Variants in ADAMTS17 observed in about 807,000 individuals in gnomAD.
ADAMTS17 encodes the protein A disintegrin and metalloproteinase with thrombospondin motifs 17.
ADAMTS17 carries 113 observed loss-of-function variants against 141.5 expected under a neutral mutation model. That is an observed-to-expected ratio of 0.80 (90% CI 0.69 to 0.93). ADAMTS17 has a LOEUF of 0.93. Among genes scored for constraint, ADAMTS17 ranks in the 40% least tolerant of loss-of-function variants. ADAMTS17 has a pLI of 0.00. For missense variants in ADAMTS17, 1,659 were observed against 1,517.9 expected (o/e 1.09, Z -1.54); for synonymous variants, 768 against 630.6 (o/e 1.22, Z -3.27).
intron 12 of ADAMTS17, among the ~76,000 whole-genome samples, chr15:100,123,616 G>A (rs1003814996): frequency 1.3e-4 from 20 of 152,246 alleles, no homozygotes; most frequent in Admixed American, 9.2e-4. Context: ...CAGCCGACAC[G>A]CCCAGAGGGC....
chr15:100,126,185 C>T (rs1289100510), intron 12 of ADAMTS17: 1 of 152,258 alleles, frequency 6.6e-6, no homozygotes, highest in Non-Finnish European at 1.5e-5. Context: ...ACGCCACATC[C>T]TGCGTCTCTT....
At chr15:100,161,414 G>C (rs1430587834) in intron 8 of ADAMTS17, among the ~76,000 whole-genome samples, 3 of 151,732 alleles carry the variant, frequency 2.0e-5, no homozygotes, top group Admixed American at 6.6e-5. Context: ...TGAGTCTGTG[G>C]AATGAATCCC....
chr15:99,986,166 GT>G (rs1250931924), intron 20 of ADAMTS17, among the ~76,000 whole-genome samples: 1 of 152,230 alleles, frequency 6.6e-6, no homozygotes, highest in Admixed American at 6.5e-5. Context: ...GGGCAGGGGG[GT>G]TCAGGCCCCA....
chr15:100,105,666 G>C (rs1247008918), intron 14 of ADAMTS17, among the ~76,000 whole-genome samples: 1 of 152,162 alleles, frequency 6.6e-6, no homozygotes, highest in Non-Finnish European at 1.5e-5. Context: ...TGTAAGAAGA[G>C]GCTAGAGAGC....
At chr15:100,122,490 C>G (rs554901616) in intron 12 of ADAMTS17, among the ~76,000 whole-genome samples, 1 of 152,094 alleles carries the variant, frequency 6.6e-6, no homozygotes, top group Non-Finnish European at 1.5e-5. Flanking sequence ...AACATCAATG[C>G]GGGCCTCCTG....
intron 18 of ADAMTS17, among the ~76,000 whole-genome samples, chr15:100,046,902 A>T (rs548751775): frequency 1.3e-5 from 2 of 152,194 alleles, no homozygotes; most frequent in African/African-American, 2.4e-5. Flanking sequence ...TAACAGCAAC[A>T]TTCAGGGAAC....
At chr15:100,303,156 T>C (rs1264768728) in intron 3 of ADAMTS17, among the ~76,000 whole-genome samples, 3 of 145,044 alleles carry the variant, frequency 2.1e-5, no homozygotes, top group Admixed American at 1.4e-4. Context: ...ATAAACTATA[T>C]ATAAAAATAT....
At position 100,182,028 on chromosome 15, in the gene ADAMTS17, G is replaced by A. The variant is rs73475416; in HGVS notation, c.1181+17290C>T. 8.3e-3 allele frequency among the ~76,000 whole-genome samples: 1,271 copies of A among 152,336 alleles called. 22 individuals are homozygous for A. The highest frequency in any genetic ancestry group is 0.03 in the African/African-American group (1,230 of 41,580). ...GATGGGTGATTCCTCTTCTAGCTAG[G>A]ACATCCATGGGTGTCAGCTGAGCTC... On this transcript the variant is annotated intron_variant, in intron 8 of 21. Transcript: ENST00000268070.
At chr15:100,035,772 C>T (rs984763269) in intron 18 of ADAMTS17, among the ~76,000 whole-genome samples, 4 of 151,396 alleles carry the variant, frequency 2.6e-5, no homozygotes, top group African/African-American at 7.3e-5. Flanking sequence ...GGGCTCAGGC[C>T]GATATTAAGC....
intron 3 of ADAMTS17, among the ~76,000 whole-genome samples, chr15:100,316,839 T>G (rs1273455120): frequency 1.3e-5 from 2 of 152,248 alleles, no homozygotes; most frequent in African/African-American, 4.8e-5. Context: ...CAGGCTGACT[T>G]GTCCCAGCCT....
At chr15:100,013,794 T>C (rs543462390) in intron 18 of ADAMTS17, among the ~76,000 whole-genome samples, 1 of 152,336 alleles carries the variant, frequency 6.6e-6, no homozygotes, top group South Asian at 2.1e-4. Flanking sequence ...ACTTGTATTT[T>C]GTTAAGGATT....
intron 3 of ADAMTS17, among the ~76,000 whole-genome samples, chr15:100,304,793 C>A (rs1300913032): frequency 6.6e-6 from 1 of 152,164 alleles, no homozygotes; most frequent in Non-Finnish European, 1.5e-5. Flanking sequence ...ACTGTGCGGG[C>A]CCACTTATAC....
intron 20 of ADAMTS17, among the ~76,000 whole-genome samples, chr15:99,989,870 A>G (rs1703889975): frequency 6.6e-6 from 1 of 152,232 alleles, no homozygotes; most frequent in African/African-American, 2.4e-5. Context: ...TTGTCCAAGT[A>G]CTTAGACATA....
At chr15:100,027,058 T>A (rs922897938) in intron 18 of ADAMTS17, among the ~76,000 whole-genome samples, 1 of 152,162 alleles carries the variant, frequency 6.6e-6, no homozygotes, top group Non-Finnish European at 1.5e-5. Context: ...GTGAAGGCAT[T>A]ATGGGCAGGG....
intron 3 of ADAMTS17, among the ~76,000 whole-genome samples, chr15:100,288,014 T>A (rs1247656743): frequency 6.6e-6 from 1 of 152,164 alleles, no homozygotes. Context: ...ATATCGATAT[T>A]AGCTTTGAAT....
intron 15 of ADAMTS17, among the ~76,000 whole-genome samples, chr15:100,087,901 T>G (rs2035211119): frequency 1.3e-5 from 2 of 152,202 alleles, no homozygotes; most frequent in Non-Finnish European, 1.5e-5. Flanking sequence ...GGGCAAAAAC[T>G]GGAAGCATTC....
rs907792509 is a variant in ADAMTS17, at chr15:100,070,896, G to T, written c.2138-16842C>A. On this transcript the variant is annotated intron_variant, in intron 15 of 21. Coordinates refer to ENST00000268070, the MANE Select transcript of ADAMTS17 (RefSeq NM_139057.4). The stretch of plus-strand genomic sequence containing the variant: ...AAGGCAAGAAATAACTAAGATCAGA[G>T]CAGAACTGAAGGAAATAGAGACACA... 1.3e-5 allele frequency among the ~76,000 whole-genome samples: 2 copies of T among 149,908 alleles called. 1 individual carries two copies. The highest frequency in any genetic ancestry group is 3.0e-5 in the Non-Finnish European group (2 of 67,384).
rs140384823 is a variant in ADAMTS17, at chr15:99,993,096, G to A, written c.2901C>T (p.Cys967=). 1,052 of 1,614,096 alleles carry A rather than the reference G, an allele frequency of 6.5e-4. 9 individuals carry two copies. The African/African-American group carries it at 0.012, about 18-fold the overall frequency. ...ASTRPRAEEA[C]EDYSGCYEWK... is the part of the protein sequence containing the mutation. ...ACTCGTAGCAGCCTGAGTAGTCCTCGCAGGCCTCCTCGGCTCTCGGCCTCG... is the reference window on the plus strand; with the variant it reads ...ACTCGTAGCAGCCTGAGTAGTCCTCACAGGCCTCCTCGGCTCTCGGCCTCG... Residue 967 remains cysteine (C), a synonymous_variant, in exon 20 of 22, where the codon TGC becomes TGT. Coordinates refer to ENST00000268070, the MANE Select transcript of ADAMTS17 (RefSeq NM_139057.4). The surrounding 1 kb of genome is among the most constrained non-coding windows in gnomAD (Gnocchi z 4.3).
In ADAMTS17 at chr15:100,067,949, C is replaced by T. The variant is rs149109666; in HGVS notation, c.2138-13895G>A. On this transcript the variant is annotated intron_variant, in intron 15 of 21. Coordinates refer to ENST00000268070, the MANE Select transcript of ADAMTS17 (RefSeq NM_139057.4). ...GCACTGAGCGTGAGCTGAAGCAGGG[C>T]GAGGCATCCCATCACCCGGGAAGCG... 3.5e-3 allele frequency among the ~76,000 whole-genome samples: 533 copies of T among 152,240 alleles called. 1 individual carries two copies. The highest frequency in any genetic ancestry group is 5.7e-3 in the Non-Finnish European group (391 of 68,028).
Sources: allele counts gnomAD v4.1 joint callset (sites outside exome capture counted in the v4.1 genomes callset), GRCh38; gene constraint gnomAD v4.1.1; non-coding constraint Gnocchi (gnomAD v3.1); transcripts MANE v1.5; gene names NCBI Gene and HGNC (gene_info 2026-07-23, HGNC 2026-07-21).